Variants in FHOD3 observed in about 807,000 individuals in gnomAD.
FHOD3 encodes the protein FH1/FH2 domain-containing protein 3.
In FHOD3, 90 loss-of-function variants were observed where a neutral mutation model predicts 173.0. The observed-to-expected ratio is 0.52, with a 90% CI of 0.44 to 0.62. The LOEUF is 0.62. Among genes scored for constraint, FHOD3 ranks in the 20% least tolerant of loss-of-function variants. The probability of loss-of-function intolerance (pLI) is 0.00; values close to 1 mark genes in which losing one functional copy is unlikely to be tolerated. For synonymous variants in FHOD3, 828 were observed against 823.0 expected (o/e 1.01, Z -0.10); for missense variants, 1,945 against 2,034.7 (o/e 0.96, Z 0.85).
intron 1 of FHOD3, among the ~76,000 whole-genome samples, chr18:36,312,559 C>T (rs1001515772): frequency 1.3e-5 from 2 of 152,188 alleles, no homozygotes; most frequent in African/African-American, 4.8e-5. Context: ...CAGCCAGTTG[C>T]CCAAACCAAC....
Position 36,718,364 on chromosome 18 carries a change from T to TTCCCC in FHOD3, c.3066_3067insTCCCC (p.Pro1023SerfsTer47). ...GTCACAGGGAGGCCCCTGGGCCACC[T>TTCCCC]CCCCCACCCCCACCCACCTTTCTGG... On this transcript the variant is annotated frameshift_variant, in exon 19 of 29. Transcript: ENST00000590592. LOFTEE classifies it high-confidence loss of function. 7.6e-6 allele frequency: 10 copies of TTCCCC among 1,312,956 alleles called. No homozygotes were observed. Among genetic ancestry groups the TTCCCC allele is most frequent in the South Asian group, 2.5e-5 (2 of 79,504 alleles). The allele number at this position is 1,312,956 out of a possible 1,614,324, so 81.3% of individuals were successfully genotyped here.
chr18:36,670,728 T>C (rs890082751), intron 14 of FHOD3, among the ~76,000 whole-genome samples: 8 of 152,212 alleles, frequency 5.3e-5, no homozygotes, highest in Admixed American at 1.3e-4. Flanking sequence ...GCATGCTTGG[T>C]CATTTCTTAT....
chr18:36,589,025 T>G (rs1488119037), intron 6 of FHOD3, among the ~76,000 whole-genome samples: 1 of 152,220 alleles, frequency 6.6e-6, no homozygotes, highest in Non-Finnish European at 1.5e-5. Context: ...GTTACTTCCT[T>G]GGGTCAAGAG....
chr18:36,660,301 C>T (rs2036702779), intron 14 of FHOD3, among the ~76,000 whole-genome samples: 1 of 152,074 alleles, frequency 6.6e-6, no homozygotes, highest in Non-Finnish European at 1.5e-5. Context: ...ACTTGGATCC[C>T]AGAGTGCCTT....
chr18:36,742,924 A>T (rs2041972573), intron 22 of FHOD3, 68 bp downstream of exon 22: 6 of 1,559,246 alleles, frequency 3.8e-6, no homozygotes, highest in Non-Finnish European at 4.3e-6. Context: ...GCAATTGCTG[A>T]TGAAGGTTGT....
chr18:36,716,854 G>A (rs959394533), intron 18 of FHOD3, among the ~76,000 whole-genome samples: 4 of 152,142 alleles, frequency 2.6e-5, no homozygotes, highest in Non-Finnish European at 5.9e-5. Flanking sequence ...GATAGCTAGA[G>A]GGATGAGTGG....
At chr18:36,333,535 G>A (rs2625065) in intron 1 of FHOD3, among the ~76,000 whole-genome samples, 105,321 of 152,140 alleles carry the variant, frequency 0.69, 37,105 homozygotes, top group Middle Eastern at 0.8. Context: ...AACGTGAGCT[G>A]TCATGGCCAT....
rs981930610 is a variant in FHOD3 at position 36,780,061 on chromosome 18, G to T, written c.*531G>T. ...AATAAATAGAGTTTAATGCCATAAT[G>T]AGAAACTTTTATTCTTCTGGGAACA... On this transcript the variant is annotated 3_prime_UTR_variant, in exon 29 of 29. Transcript: ENST00000590592. 9.7e-6 allele frequency: 10 copies of T among 1,025,946 alleles called. No homozygotes were observed. Among genetic ancestry groups the T allele is most frequent in the Non-Finnish European group, 1.3e-5 (10 of 799,864 alleles). 63.6% of individuals were successfully genotyped at this position (1,025,946 alleles called of 1,614,324 possible).
intron 1 of FHOD3, among the ~76,000 whole-genome samples, chr18:36,301,089 AGGGTATAAG>A (rs1393756708): frequency 1.3e-5 from 2 of 152,158 alleles, no homozygotes; most frequent in Non-Finnish European, 2.9e-5. Context: ...AAAAGTGTAC[AGGGTATAAG>A]TGTGCAGTTG....
At chr18:36,579,461 T>A (rs2058768702) in intron 6 of FHOD3, among the ~76,000 whole-genome samples, 1 of 152,192 alleles carries the variant, frequency 6.6e-6, no homozygotes. Context: ...AGAATCACTG[T>A]GAGCAGGGAG....
At chr18:36,595,090 A>G (rs2030098595) in intron 7 of FHOD3, among the ~76,000 whole-genome samples, 192 bp downstream of exon 7, 1 of 152,154 alleles carries the variant, frequency 6.6e-6, no homozygotes, top group Non-Finnish European at 1.5e-5. Flanking sequence ...TGATAATGAA[A>G]GAAAAGTGCT....
At chr18:36,695,132 C>T (rs978408921) in intron 17 of FHOD3, among the ~76,000 whole-genome samples, 2 of 151,278 alleles carry the variant, frequency 1.3e-5, no homozygotes, top group Non-Finnish European at 2.9e-5. Context: ...CACCTGAGGT[C>T]GGGAGTTCAA....
chr18:36,455,091 C>T (rs1247242558), intron 3 of FHOD3, among the ~76,000 whole-genome samples: 1 of 152,240 alleles, frequency 6.6e-6, no homozygotes, highest in African/African-American at 2.4e-5. Flanking sequence ...GAAATGACAG[C>T]TGGCCAGAGG....
intron 5 of FHOD3, among the ~76,000 whole-genome samples, chr18:36,561,009 T>G (rs1037334809): frequency 6.6e-6 from 1 of 152,268 alleles, no homozygotes; most frequent in African/African-American, 2.4e-5. Context: ...CCGCAGACAT[T>G]CTGTTTATGT....
intron 5 of FHOD3, among the ~76,000 whole-genome samples, chr18:36,525,051 T>C (rs2056450437): frequency 6.6e-6 from 1 of 152,212 alleles, no homozygotes. Flanking sequence ...CCCAGAAGAT[T>C]CTTTCCCCCA....
chr18:36,731,126 G>A (rs1416728611), intron 20 of FHOD3, among the ~76,000 whole-genome samples: 4 of 152,174 alleles, frequency 2.6e-5, no homozygotes, highest in African/African-American at 4.8e-5. Context: ...AACCACGTAT[G>A]TTTAAAAAAC....
intron 1 of FHOD3, among the ~76,000 whole-genome samples, chr18:36,322,949 G>T (rs1256999695): frequency 2.6e-5 from 4 of 152,184 alleles, no homozygotes; most frequent in Admixed American, 2.6e-4. Flanking sequence ...AGGCTGGAGG[G>T]TAACCCTCAT....
intron 3 of FHOD3, among the ~76,000 whole-genome samples, chr18:36,379,758 A>T (rs1215973253): frequency 6.6e-6 from 1 of 152,188 alleles, no homozygotes; most frequent in Non-Finnish European, 1.5e-5. Context: ...TCCTTTCACA[A>T]GTCTGGCCTG....
intron 9 of FHOD3, among the ~76,000 whole-genome samples, chr18:36,621,003 A>G (rs1010474365): frequency 3.9e-5 from 6 of 152,208 alleles, no homozygotes; most frequent in African/African-American, 1.4e-4. Flanking sequence ...GGTGGCCATT[A>G]TGTCTTGGAC....
Sources: gnomAD v4.1 joint callset for allele counts (sites outside exome capture counted in the v4.1 genomes callset) on GRCh38, gnomAD v4.1.1 for gene constraint, MANE v1.5 for transcripts, NCBI Gene and HGNC (gene_info 2026-07-23, HGNC 2026-07-21) for gene names.